CNTNAP2: variants seen among roughly 807,000 people sequenced by gnomAD.
The protein encoded by CNTNAP2 is contactin-associated protein-like 2.
In CNTNAP2, 98 loss-of-function variants were observed where a neutral mutation model predicts 155.2. The ratio of observed to expected loss-of-function variants is 0.63; its 90% CI spans 0.54 to 0.75. CNTNAP2 has a LOEUF of 0.75. Ranked by LOEUF, CNTNAP2 falls within the 30% of genes least tolerant of loss-of-function variation. CNTNAP2 has a pLI of 0.00. For missense variants in CNTNAP2, 1,727 were observed against 1,688.1 expected (o/e 1.02, Z -0.40); for synonymous variants, 651 against 631.2 (o/e 1.03, Z -0.47).
intron 1 of CNTNAP2, among the ~76,000 whole-genome samples, chr7:146,627,765 G>T (rs1481555050): frequency 1.3e-5 from 2 of 151,954 alleles, no homozygotes; most frequent in South Asian, 2.1e-4. Flanking sequence ...AGGTACAAAA[G>T]GTTTAAAAGA....
chr7:148,065,048 C>A (rs1803229075), intron 15 of CNTNAP2, among the ~76,000 whole-genome samples: 1 of 152,050 alleles, frequency 6.6e-6, no homozygotes, highest in African/African-American at 2.4e-5. Flanking sequence ...CATTGTTGAC[C>A]AAATGGTCAT....
Position 147,334,588 on chromosome 7 carries a change from G to A in CNTNAP2, c.1498+34298G>A, listed in dbSNP as rs567492146. Reference sequence around the variant, plus strand: ...TTATGTTCTTTTGGAGACAAGACTAGAAGTGAACTGATCTGCACAATTTGG... The same window carrying A: ...TTATGTTCTTTTGGAGACAAGACTAAAAGTGAACTGATCTGCACAATTTGG... On this transcript the variant is annotated intron_variant, in intron 9 of 23. Coordinates refer to ENST00000361727, the MANE Select transcript of CNTNAP2 (RefSeq NM_014141.6). Among the ~76,000 whole-genome samples the A allele has an allele frequency of 2.6e-5, 4 of 152,260 alleles. No individual in the cohort carries two copies. In the East Asian group the frequency reaches 7.8e-4, roughly 30 times the overall value.
chr7:146,711,356 A>T (rs1801068837), intron 1 of CNTNAP2, among the ~76,000 whole-genome samples: 1 of 147,070 alleles, frequency 6.8e-6, no homozygotes, highest in African/African-American at 2.5e-5. Context: ...ATATATGTAT[A>T]ATATACATAT....
intron 1 of CNTNAP2, among the ~76,000 whole-genome samples, chr7:146,681,217 C>G (rs1465065205): frequency 2.0e-5 from 3 of 151,042 alleles, no homozygotes; most frequent in Non-Finnish European, 4.4e-5. Context: ...AGTGCTAAGT[C>G]ATGGCTTGTC....
chr7:146,901,510 GAAAA>G (rs2129213705), intron 3 of CNTNAP2, among the ~76,000 whole-genome samples: 2 of 152,274 alleles, frequency 1.3e-5, no homozygotes, highest in African/African-American at 4.8e-5. Flanking sequence ...ATATGTCCTA[GAAAA>G]TGGAATTTGA....
intron 13 of CNTNAP2, among the ~76,000 whole-genome samples, chr7:147,725,995 A>G (rs1313722600): frequency 1.3e-5 from 2 of 152,078 alleles, no homozygotes; most frequent in Non-Finnish European, 2.9e-5. Flanking sequence ...ACAAGAAAAC[A>G]ACAGGAGATA....
chr7:147,752,336 T>TC (rs11435761), intron 13 of CNTNAP2, among the ~76,000 whole-genome samples: 4 of 149,644 alleles, frequency 2.7e-5, no homozygotes, highest in African/African-American at 4.9e-5. Context: ...CCATTTTTTT[T>TC]CTCTACAGAT....
intron 20 of CNTNAP2, among the ~76,000 whole-genome samples, chr7:148,241,461 A>G (rs978592418): frequency 2.0e-5 from 3 of 152,216 alleles, no homozygotes; most frequent in African/African-American, 7.2e-5. Context: ...AGCCCAGTCC[A>G]GTAGAAGAAA....
chr7:146,172,445 C>A (rs1000370343), intron 1 of CNTNAP2, among the ~76,000 whole-genome samples: 2 of 152,058 alleles, frequency 1.3e-5, no homozygotes, highest in Admixed American at 6.6e-5. Context: ...ACTGCGCAGC[C>A]ACCTTAGTGG....
chr7:147,361,506 C>A (rs1166155450), intron 9 of CNTNAP2, among the ~76,000 whole-genome samples: 1 of 152,074 alleles, frequency 6.6e-6, no homozygotes. Context: ...AAGAGTTATG[C>A]CTTATCTTCT....
intron 1 of CNTNAP2, among the ~76,000 whole-genome samples, chr7:146,585,133 G>GTTTTA (rs1798668294): frequency 6.6e-6 from 1 of 150,718 alleles, no homozygotes; most frequent in African/African-American, 2.4e-5. Flanking sequence ...GTTTTGTTTT[G>GTTTTA]TTTTGTTTTT....
intron 1 of CNTNAP2, among the ~76,000 whole-genome samples, chr7:146,136,905 A>G (rs1228198830): frequency 6.6e-6 from 1 of 152,170 alleles, no homozygotes. Context: ...TTTCCAGCAA[A>G]AGAAACAGAC....
chr7:147,205,490 A>C (rs1261293012), intron 8 of CNTNAP2, among the ~76,000 whole-genome samples: 1 of 152,180 alleles, frequency 6.6e-6, no homozygotes, highest in Non-Finnish European at 1.5e-5. Context: ...ATCTAAAAAC[A>C]TGGAATATCT....
intron 21 of CNTNAP2, among the ~76,000 whole-genome samples, chr7:148,281,835 CTTTTTTT>C (rs58086860): frequency 1.9e-4 from 23 of 123,478 alleles, no homozygotes; most frequent in South Asian, 1.1e-3. Flanking sequence ...ACAACGTTTC[CTTTTTTT>C]TTTTTTTTTT....
At chr7:147,402,435 A>C (rs1395299697) in intron 10 of CNTNAP2, among the ~76,000 whole-genome samples, 1 of 152,136 alleles carries the variant, frequency 6.6e-6, no homozygotes, top group Non-Finnish European at 1.5e-5. Context: ...TGCTGGACTT[A>C]GGTTCTGGGA....
chr7:146,668,726 G>GT (rs1414870440), intron 1 of CNTNAP2, among the ~76,000 whole-genome samples: 1 of 151,856 alleles, frequency 6.6e-6, no homozygotes, highest in Admixed American at 6.6e-5. Context: ...TCCAATCTTG[G>GT]TAAGTTATGT....
chr7:147,500,947 C>A (rs1348043641), intron 11 of CNTNAP2, among the ~76,000 whole-genome samples: 3 of 152,046 alleles, frequency 2.0e-5, no homozygotes, highest in African/African-American at 7.2e-5. Context: ...AATTACAAGT[C>A]AGTATCCCTG....
chr7:147,392,847 C>T (rs1366256201), intron 9 of CNTNAP2, among the ~76,000 whole-genome samples: 1 of 152,044 alleles, frequency 6.6e-6, no homozygotes, highest in African/African-American at 2.4e-5. Context: ...TGGAATACTA[C>T]TCAGCCATAA....
chr7:146,715,205 C>A (rs1801165951), intron 1 of CNTNAP2, among the ~76,000 whole-genome samples: 1 of 152,028 alleles, frequency 6.6e-6, no homozygotes, highest in African/African-American at 2.4e-5. Context: ...GTGGTGGGCA[C>A]CTATAATTCC....
Sources: allele counts gnomAD v4.1 joint callset (sites outside exome capture counted in the v4.1 genomes callset), GRCh38; gene constraint gnomAD v4.1.1; transcripts MANE v1.5; gene names NCBI Gene and HGNC (gene_info 2026-07-23, HGNC 2026-07-21).